LINGO2: variants seen among roughly 807,000 people sequenced by gnomAD.
LINGO2 encodes leucine-rich repeat and immunoglobulin-like domain-containing nogo receptor-interacting protein 2.
Under a neutral mutation model 30.6 loss-of-function variants are expected in LINGO2, and 14 were observed. The observed-to-expected ratio is 0.46, with a 90% CI of 0.30 to 0.72. The LOEUF (loss-of-function observed/expected upper bound fraction) is 0.72, where lower values mean the gene tolerates loss of function less well. Ranked by LOEUF, LINGO2 falls within the 30% of genes least tolerant of loss-of-function variation. The pLI, the probability that LINGO2 is intolerant of heterozygous loss-of-function variation, is 0.07. For missense variants in LINGO2, 729 were observed against 751.7 expected (o/e 0.97, Z 0.35); for synonymous variants, 317 against 288.5 (o/e 1.10, Z -1.00).
chr9:28,384,001 A>C (rs1587586399), intron 2 of LINGO2, among the ~76,000 whole-genome samples: 1 of 152,188 alleles, frequency 6.6e-6, no homozygotes, highest in South Asian at 2.1e-4. Context: ...TATGAAAGTC[A>C]TTTACATATG....
the LINGO2 span, among the ~76,000 whole-genome samples, chr9:28,974,925 G>T: frequency 1.3e-5 from 2 of 152,098 alleles, no homozygotes; most frequent in Non-Finnish European, 2.9e-5. Context: ...CATTGGACAA[G>T]TCAGAATTTC....
intron 4 of LINGO2, among the ~76,000 whole-genome samples, chr9:28,182,952 A>G (rs1819411142): frequency 6.6e-6 from 1 of 152,212 alleles, no homozygotes; most frequent in Non-Finnish European, 1.5e-5. Flanking sequence ...CAATCCCATT[A>G]CAGGGTATAT....
At chr9:28,173,901 T>G (rs1420699460) in intron 4 of LINGO2, among the ~76,000 whole-genome samples, 2 of 152,230 alleles carry the variant, frequency 1.3e-5, no homozygotes, top group African/African-American at 4.8e-5. Context: ...GACACAATAT[T>G]AGGAGTAGCT....
chr9:28,040,671 G>A (rs1185254256), intron 4 of LINGO2, among the ~76,000 whole-genome samples: 1 of 151,994 alleles, frequency 6.6e-6, no homozygotes, highest in African/African-American at 2.4e-5. Context: ...TAGCTGCTTT[G>A]CCTTGACTGT....
chr9:28,720,486 A>G, the LINGO2 span, among the ~76,000 whole-genome samples: 1 of 152,068 alleles, frequency 6.6e-6, no homozygotes, highest in African/African-American at 2.4e-5. Flanking sequence ...TCATATTTAG[A>G]TATCTCTACC....
chr9:28,533,914 G>A (rs1387509134), intron 1 of LINGO2, among the ~76,000 whole-genome samples: 2 of 151,992 alleles, frequency 1.3e-5, no homozygotes, highest in Admixed American at 1.3e-4. Context: ...ATCTATTTTG[G>A]ACTGCTAGGT....
intron 3 of LINGO2, among the ~76,000 whole-genome samples, chr9:28,313,270 T>A (rs1270580914): frequency 1.3e-5 from 2 of 152,174 alleles, no homozygotes; most frequent in Non-Finnish European, 2.9e-5. Context: ...ACTCACAGTA[T>A]TCAGGGAACT....
At chr9:28,751,559 AG>A in the LINGO2 span, among the ~76,000 whole-genome samples, 2 of 152,008 alleles carry the variant, frequency 1.3e-5, no homozygotes, top group Non-Finnish European at 2.9e-5. Flanking sequence ...CATATTATTT[AG>A]TTTTCAGTGA....
chr9:28,138,623 C>G (rs1014470702), intron 4 of LINGO2, among the ~76,000 whole-genome samples: 1 of 152,188 alleles, frequency 6.6e-6, no homozygotes, highest in Non-Finnish European at 1.5e-5. Context: ...ACTCATTAAA[C>G]TAATCATGAA....
At chr9:28,495,993 G>A (rs957342262) in intron 1 of LINGO2, among the ~76,000 whole-genome samples, 7 of 152,048 alleles carry the variant, frequency 4.6e-5, no homozygotes, top group Non-Finnish European at 7.3e-5. Flanking sequence ...TAAAACCTGA[G>A]TTCTAGTTTG....
At chr9:28,511,216 G>A (rs1820371684) in intron 1 of LINGO2, among the ~76,000 whole-genome samples, 1 of 152,154 alleles carries the variant, frequency 6.6e-6, no homozygotes, top group South Asian at 2.1e-4. Flanking sequence ...ATTATGTGCA[G>A]GATAGGCAAA....
At chr9:28,924,555 C>A in the LINGO2 span, among the ~76,000 whole-genome samples, 2 of 151,982 alleles carry the variant, frequency 1.3e-5, no homozygotes, top group Non-Finnish European at 2.9e-5. Flanking sequence ...AATAAACAGA[C>A]AAACAAACAA....
the LINGO2 span, among the ~76,000 whole-genome samples, chr9:29,028,733 G>A: frequency 9.2e-5 from 14 of 152,074 alleles, no homozygotes; most frequent in African/African-American, 3.4e-4. Flanking sequence ...ATGATGAAAG[G>A]CATGAGGCCT....
At chr9:28,161,830 A>G (rs1452418119) in intron 4 of LINGO2, among the ~76,000 whole-genome samples, 2 of 152,124 alleles carry the variant, frequency 1.3e-5, no homozygotes, top group Non-Finnish European at 2.9e-5. Context: ...GGTAGACGCT[A>G]ACTCACAACA....
At chr9:27,957,589 G>A (rs1444406658) in intron 5 of LINGO2, among the ~76,000 whole-genome samples, 2 of 152,070 alleles carry the variant, frequency 1.3e-5, no homozygotes, top group Non-Finnish European at 2.9e-5. Context: ...CACCGCACCC[G>A]GCCACTGTAG....
At chr9:28,917,451 G>T in the LINGO2 span, among the ~76,000 whole-genome samples, 19 of 150,268 alleles carry the variant, frequency 1.3e-4, no homozygotes, top group African/African-American at 2.0e-4. Context: ...GTTTTTTTGG[G>T]TTTTTTTTTC....
chr9:29,137,043 C>T, the LINGO2 span, among the ~76,000 whole-genome samples: 43 of 152,074 alleles, frequency 2.8e-4, no homozygotes, highest in African/African-American at 1.0e-3. Context: ...CTAAGCCCAG[C>T]CCCCCAAAAA....
chr9:28,902,311 T>C, the LINGO2 span, among the ~76,000 whole-genome samples: 1 of 152,186 alleles, frequency 6.6e-6, no homozygotes, highest in Non-Finnish European at 1.5e-5. Flanking sequence ...AAGGTCCTTA[T>C]TAGTGATCAA....
chr9:28,084,473 A>G (rs1378101963), intron 4 of LINGO2, among the ~76,000 whole-genome samples: 2 of 152,152 alleles, frequency 1.3e-5, no homozygotes, highest in African/African-American at 4.8e-5. Flanking sequence ...GAAGGAAATT[A>G]GCAGTTAACA....
Sources: allele counts gnomAD v4.1 joint callset (sites outside exome capture counted in the v4.1 genomes callset), GRCh38; gene constraint gnomAD v4.1.1; transcripts MANE v1.5; gene names NCBI Gene and HGNC (gene_info 2026-07-23, HGNC 2026-07-21).